The following COMMD10 variants were observed in gnomAD, a reference collection of about 807,000 sequenced individuals.
The protein encoded by COMMD10 is COMM domain containing 10, also known as COMM domain-containing protein 10.
Under a neutral mutation model 28.9 loss-of-function variants are expected in COMMD10, and 33 were observed. The observed-to-expected ratio is 1.14, with a 90% CI of 0.87 to 1.53. COMMD10 has a LOEUF of 1.53. Among genes scored for constraint, COMMD10 ranks in the 40% most tolerant of loss-of-function variants. The probability of loss-of-function intolerance (pLI) is 0.00; values close to 1 mark genes in which losing one functional copy is unlikely to be tolerated. For synonymous variants in COMMD10, 110 were observed against 81.7 expected, an observed-to-expected ratio of 1.35 and a Z score of -1.87; for missense variants, 310 against 233.4, an observed-to-expected ratio of 1.33 and a Z score of -2.14.
chr5:116,100,496 G>A (rs1457405469), intron 4 of COMMD10, among the ~76,000 whole-genome samples: 2 of 146,788 alleles, frequency 1.4e-5, no homozygotes, highest in African/African-American at 5.0e-5. Flanking sequence ...TTTGTGCATG[G>A]TATAAGATAA....
Position 116,104,420 on chromosome 5 carries a change from G to T in COMMD10, c.399+11720G>T, listed in dbSNP as rs138324832. On this transcript the variant is annotated intron_variant, in intron 4 of 6. Transcript: ENST00000274458. ...TCCTTTTTGTAGCAATTGTGAATGG[G>T]AGTTCACTCATGATTTGTCTTTCTG... is the stretch of plus-strand genomic sequence containing the variant. 6.6e-5 allele frequency among the ~76,000 whole-genome samples: 10 copies of T among 152,198 alleles called. No homozygotes were observed. The East Asian group carries it at 1.7e-3, about 27-fold the overall frequency.
chr5:116,254,717 A>G lies in COMMD10; in HGVS notation c.511-36800A>G, dbSNP rs1580587104. On this transcript the variant is annotated intron_variant, in intron 5 of 6. Coordinates refer to ENST00000274458, the MANE Select transcript of COMMD10 (RefSeq NM_016144.4). ...TTTGCTGAGGAGATCTTTACTTCCAAGTATGTGGTCAGTTTTGGAATAGGT... is the reference window on the plus strand; with the variant it reads ...TTTGCTGAGGAGATCTTTACTTCCAGGTATGTGGTCAGTTTTGGAATAGGT... Among the ~76,000 whole-genome samples the G allele has an allele frequency of 1.3e-5, 2 of 151,752 alleles. 1 individual carries two copies. The highest frequency in any genetic ancestry group is 4.9e-5 in the African/African-American group (2 of 41,084).
In COMMD10 at chr5:116,147,336, A is replaced by T. The variant is rs1476362634; in HGVS notation, c.510+13158A>T. On this transcript the variant is annotated intron_variant, in intron 5 of 6. Coordinates refer to ENST00000274458, the MANE Select transcript of COMMD10 (RefSeq NM_016144.4). ...ATGAAGCAGTATTATTCTTTATCTC[A>T]CGAATTATCCTAACCTTTGCTACCA... Among the ~76,000 whole-genome samples the T allele has an allele frequency of 2.0e-5, 3 of 151,850 alleles. No individual in the cohort carries two copies. The East Asian group carries it at 5.8e-4, about 29-fold the overall frequency.
intron 5 of COMMD10, among the ~76,000 whole-genome samples, chr5:116,267,179 A>T (rs1750610116): frequency 2.0e-5 from 3 of 151,922 alleles, no homozygotes; most frequent in Non-Finnish European, 4.4e-5. Flanking sequence ...AGATGACATG[A>T]TTGTGTATTT....
At chr5:116,165,616 G>T (rs1254797835) in intron 5 of COMMD10, among the ~76,000 whole-genome samples, 1 of 151,736 alleles carries the variant, frequency 6.6e-6, no homozygotes, top group Non-Finnish European at 1.5e-5. Context: ...GGGTGTATCT[G>T]TGTGTGTGTT....
intron 5 of COMMD10, among the ~76,000 whole-genome samples, chr5:116,256,951 T>G (rs1476501407): frequency 6.6e-6 from 1 of 151,738 alleles, no homozygotes; most frequent in Non-Finnish European, 1.5e-5. Flanking sequence ...CATATGTACT[T>G]AACAGTGAAA....
At chr5:116,169,552 G>A (rs940364965) in intron 5 of COMMD10, among the ~76,000 whole-genome samples, 1 of 152,048 alleles carries the variant, frequency 6.6e-6, no homozygotes, top group Non-Finnish European at 1.5e-5. Flanking sequence ...AAAATGTCAG[G>A]CCAACATCCC....
intron 4 of COMMD10, among the ~76,000 whole-genome samples, chr5:116,106,702 C>G (rs1053431609): frequency 3.9e-5 from 6 of 152,058 alleles, no homozygotes; most frequent in African/African-American, 1.4e-4. Flanking sequence ...GAATAGATAG[C>G]TCTTGTTGCA....
intron 5 of COMMD10, among the ~76,000 whole-genome samples, chr5:116,240,969 T>A (rs1200206525): frequency 6.6e-6 from 1 of 152,226 alleles, no homozygotes; most frequent in Non-Finnish European, 1.5e-5. Flanking sequence ...ATCCATTTTT[T>A]GTTAAAACAC....
At chr5:116,225,168 G>C (rs1340775455) in intron 5 of COMMD10, among the ~76,000 whole-genome samples, 4 of 151,652 alleles carry the variant, frequency 2.6e-5, no homozygotes, top group African/African-American at 7.3e-5. Flanking sequence ...TTTTTCTCTT[G>C]AGATTTATTC....
At chr5:116,255,258 C>A (rs564121332) in intron 5 of COMMD10, among the ~76,000 whole-genome samples, 21 of 151,794 alleles carry the variant, frequency 1.4e-4, no homozygotes, top group African/African-American at 5.1e-4. Context: ...ATCCAATTTG[C>A]CAGTCTGTGT....
intron 4 of COMMD10, among the ~76,000 whole-genome samples, chr5:116,109,905 A>C (rs891381733): frequency 6.6e-6 from 1 of 152,196 alleles, no homozygotes; most frequent in Non-Finnish European, 1.5e-5. Flanking sequence ...TTCCAGTACT[A>C]TGTTAAATAG....
At position 116,168,731 on chromosome 5, in the gene COMMD10, C is replaced by G. The variant is rs1397926342; in HGVS notation, c.510+34553C>G. Among the ~76,000 whole-genome samples, 3 of 152,144 alleles carry G rather than the reference C, an allele frequency of 2.0e-5. No individual in the cohort carries two copies. In the East Asian group the frequency reaches 5.8e-4, roughly 29 times the overall value. ...TGAACAACCTGCTGCTGAATGACTA[C>G]TGGGTAAATAACGAAATGAAGGCAG... On this transcript the variant is annotated intron_variant, in intron 5 of 6. Coordinates refer to ENST00000274458, the MANE Select transcript of COMMD10 (RefSeq NM_016144.4).
intron 5 of COMMD10, among the ~76,000 whole-genome samples, chr5:116,183,529 C>T (rs1476659903): frequency 1.3e-5 from 2 of 151,954 alleles, no homozygotes; most frequent in Non-Finnish European, 2.9e-5. Context: ...GAATTATAGG[C>T]CTCCTTGAAA....
At chr5:116,237,026 A>T (rs1371801682) in intron 5 of COMMD10, among the ~76,000 whole-genome samples, 1 of 152,160 alleles carries the variant, frequency 6.6e-6, no homozygotes, top group African/African-American at 2.4e-5. Flanking sequence ...TGCAAATTGC[A>T]ATTATTGAAT....
chr5:116,128,849 G>A (rs577272795), intron 4 of COMMD10, among the ~76,000 whole-genome samples: 1 of 152,050 alleles, frequency 6.6e-6, no homozygotes, highest in South Asian at 2.1e-4. Context: ...TTCATGATCA[G>A]ATTTAGATTG....
At chr5:116,151,845 T>A (rs898583633) in intron 5 of COMMD10, among the ~76,000 whole-genome samples, 4 of 152,186 alleles carry the variant, frequency 2.6e-5, no homozygotes, top group Non-Finnish European at 5.9e-5. Context: ...GTTTTTTGTG[T>A]CTGTATTTCC....
chr5:116,217,607 C>T (rs1749138917), intron 5 of COMMD10, among the ~76,000 whole-genome samples: 1 of 152,182 alleles, frequency 6.6e-6, no homozygotes, highest in Non-Finnish European at 1.5e-5. Flanking sequence ...CACTGGTAAC[C>T]AATGACTGGA....
intron 4 of COMMD10, among the ~76,000 whole-genome samples, chr5:116,093,693 A>C (rs995335199): frequency 6.6e-6 from 1 of 152,198 alleles, no homozygotes; most frequent in African/African-American, 2.4e-5. Flanking sequence ...TTTGTATGAA[A>C]CCAAAAGAGA....
Sources: gnomAD v4.1 joint callset for allele counts (sites outside exome capture counted in the v4.1 genomes callset) on GRCh38, gnomAD v4.1.1 for gene constraint, MANE v1.5 for transcripts, NCBI Gene and HGNC (gene_info 2026-07-23, HGNC 2026-07-21) for gene names.